The following NFS1 variants were observed in gnomAD, a reference collection of about 807,000 sequenced individuals.
NFS1 encodes the protein cysteine desulfurase.
A neutral mutation model predicts 57.3 loss-of-function variants in NFS1; 26 were observed. That is an observed-to-expected ratio of 0.45 (90% confidence interval 0.33 to 0.63). NFS1 has a LOEUF of 0.63. Among genes scored for constraint, NFS1 ranks in the 20% least tolerant of loss-of-function variants. The pLI is 0.02. For missense variants in NFS1, 505 were observed against 605.8 expected (o/e 0.83, Z 1.75); for synonymous variants, 209 against 216.3 (o/e 0.97, Z 0.30).
At chr20:35,689,362 T>G (rs1301067574) in intron 5 of NFS1, among the ~76,000 whole-genome samples, 1 of 152,100 alleles carries the variant, frequency 6.6e-6, no homozygotes, top group Non-Finnish European at 1.5e-5. Flanking sequence ...TGGCGGCTCA[T>G]GCCTGTAATC....
At chr20:35,670,489 C>A (rs2034635561) in intron 12 of NFS1, among the ~76,000 whole-genome samples, 1 of 152,196 alleles carries the variant, frequency 6.6e-6, no homozygotes, top group Admixed American at 6.5e-5. Flanking sequence ...TCATTATATT[C>A]TTGACTTGTC....
chr20:35,699,029 C>A lies in NFS1; in HGVS notation c.97+163G>T. ...GCGAGGGGTGGTGCGCCGGGGTCAA[C>A]CGTTCGGGGACCCGCCTAAGAAAGT... is the stretch of plus-strand genomic sequence containing the variant. On this transcript the variant is annotated intron_variant, in intron 1 of 12. Transcript: ENST00000374092. This position sits in a 1 kb window ranked among gnomAD's most constrained non-coding sequence, Gnocchi z 4.4. 2 of 1,322,724 alleles carry A rather than the reference C, an allele frequency of 1.5e-6. No individual in the cohort carries two copies. Among genetic ancestry groups the A allele is most frequent in the Non-Finnish European group, 1.9e-6 (2 of 1,039,478 alleles). 81.9% of individuals were successfully genotyped at this position (1,322,724 alleles called of 1,614,324 possible).
At position 35,675,161 on chromosome 20, in the gene NFS1, C is replaced by T. The variant is rs371791586; in HGVS notation, c.832G>A (p.Val278Met). ...CCCCCTCCACTCTGCAGGGCCTCCA[C>T]ACGCACACGGGGCCGGCGACGGATG... The part of the protein sequence containing the change: ...IYIRRRPRVR[V>M]EALQSGGGQE... Residue 278 changes from valine to methionine, a missense_variant, in exon 8 of 13, where the codon GTG becomes ATG. By Grantham distance (21) the Val-to-Met change is conservative (BLOSUM62 1). Transcript: ENST00000374092. The T allele has an allele frequency of 5.6e-6, 9 of 1,613,724 alleles. No individual in the cohort carries two copies. In the Admixed American group the frequency reaches 6.7e-5, roughly 12 times the overall value.
At position 35,669,250 on chromosome 20, in the gene NFS1, C is replaced by T. The variant is rs972263415; in HGVS notation, c.*372G>A. ...GGTCCAGCCGAGCAGCAGCAGAAGA[C>T]GAAGACTCAAATGTCCATGTAGAGC... On this transcript the variant is annotated 3_prime_UTR_variant, in exon 13 of 13. Coordinates refer to ENST00000374092, the MANE Select transcript of NFS1 (RefSeq NM_021100.5). The T allele has an allele frequency of 1.1e-4, 19 of 171,172 alleles. No homozygotes were observed. The highest frequency in any genetic ancestry group is 5.6e-4 in the Admixed American group (9 of 16,106). The allele number at this position is 171,172 out of a possible 1,614,324, so 10.6% of individuals were successfully genotyped here. A position where few individuals can be genotyped will look rare whatever the true frequency, so the allele number is the denominator to read the frequency against.
intron 5 of NFS1, among the ~76,000 whole-genome samples, chr20:35,689,051 A>G (rs972723261): frequency 6.6e-6 from 1 of 152,220 alleles, no homozygotes; most frequent in Non-Finnish European, 1.5e-5. Flanking sequence ...AGAAAATGAC[A>G]CTACTTCTTT....
chr20:35,670,254 G>A (rs2034631597), intron 12 of NFS1, among the ~76,000 whole-genome samples: 1 of 152,162 alleles, frequency 6.6e-6, no homozygotes, highest in African/African-American at 2.4e-5. Context: ...GTTGGCCTGT[G>A]CTTCCAATAT....
rs118178507 is a variant in NFS1, at chr20:35,670,779, G to A, written c.1311-1094C>T. Among the ~76,000 whole-genome samples, 845 of 152,326 alleles carry A rather than the reference G, an allele frequency of 5.5e-3. 4 individuals are homozygous for A. The highest frequency in any genetic ancestry group is 0.01 in the Middle Eastern group (3 of 294). ...AGAAATGCCTTGTGAGTATACCACA[G>A]AATACCAGAAAGTGAGGACAAAGGA... On this transcript the variant is annotated intron_variant, in intron 12 of 12. Transcript: ENST00000374092.
At chr20:35,674,740 C>T in intron 8 of NFS1, 123 bp from the exon 9 acceptor site, 1 of 774,766 alleles carries the variant, frequency 1.3e-6, no homozygotes. Context: ...ATCCTATGTA[C>T]TCATGGGGAC....
chr20:35,669,772 C>T, intron 12 of NFS1, 87 bp from the exon 13 acceptor site: 6 of 1,231,074 alleles, frequency 4.9e-6, no homozygotes, highest in Non-Finnish European at 7.2e-6. Context: ...AATGGCTTGC[C>T]TCCTTCTGTC....
chr20:35,675,028 A>G lies in NFS1; in HGVS notation c.948+17T>C. 1 of 1,613,800 alleles carries G rather than the reference A, an allele frequency of 6.2e-7. No homozygotes were observed. Among genetic ancestry groups the G allele is most frequent in the Non-Finnish European group, 8.5e-7 (1 of 1,179,826 alleles). ...CACAGGGGAAGAAGTTGTGGGAGGG[A>G]ACTGCTCTCCCCATACCTCCATCTC... On this transcript the variant is annotated intron_variant, in intron 8 of 12. Coordinates refer to ENST00000374092, the MANE Select transcript of NFS1 (RefSeq NM_021100.5).
At chr20:35,692,316 G>C (rs1252488642) in intron 4 of NFS1, 1 of 239,862 alleles carries the variant, frequency 4.2e-6, no homozygotes, top group African/African-American at 2.4e-5. Context: ...AGAGGTTGCA[G>C]TGAGCCGAGA....
intron 4 of NFS1, among the ~76,000 whole-genome samples, chr20:35,693,967 A>T (rs763990924): frequency 2.3e-4 from 35 of 152,094 alleles, no homozygotes; most frequent in East Asian, 1.2e-3. Flanking sequence ...ATCTCAAAAA[A>T]AAATAAATAA....
At chr20:35,686,731 G>A (rs1005215845) in intron 5 of NFS1, among the ~76,000 whole-genome samples, 12 of 152,164 alleles carry the variant, frequency 7.9e-5, no homozygotes, top group Non-Finnish European at 1.6e-4. Flanking sequence ...GGTGTGGGCA[G>A]CAAGCCACCC....
At chr20:35,679,657 C>A (rs185452890) in intron 7 of NFS1, among the ~76,000 whole-genome samples, 7 of 152,092 alleles carry the variant, frequency 4.6e-5, no homozygotes, top group African/African-American at 1.7e-4. Flanking sequence ...TAATAACTCA[C>A]AAAAAACACT....
In NFS1 at chr20:35,672,755, C is replaced by T; in HGVS notation, c.1310G>A (p.Ser437Asn). 6.3e-7 allele frequency: 1 copy of T among 1,594,822 alleles called. No homozygotes were observed. The highest frequency in any genetic ancestry group is 8.6e-7 in the Non-Finnish European group (1 of 1,162,402). Residue 437 changes from serine (S) to asparagine (N), a missense_variant and splice_region_variant, in exon 12 of 13, where the codon AGC becomes AAC. Physicochemically the swap from Ser to Asn is conservative, Grantham distance 46. Coordinates refer to ENST00000374092, the MANE Select transcript of NFS1 (RefSeq NM_021100.5). Reference sequence around the variant, plus strand: ...AGCGTCTCTGATACAATATGTATACCTCATTTCTCGAAGACGCTTCACATG... The same window carrying T: ...AGCGTCTCTGATACAATATGTATACTTCATTTCTCGAAGACGCTTCACATG... ...IQHVKRLREM[S>N]PLWEMVQDGI...
intron 4 of NFS1, among the ~76,000 whole-genome samples, chr20:35,692,527 TAAAAAAA>T (rs61052129): frequency 9.4e-5 from 4 of 42,736 alleles, no homozygotes; most frequent in African/African-American, 2.3e-4. Flanking sequence ...TCATCTATAC[TAAAAAAA>T]AAAAAAAAAA....
chr20:35,680,686 A>T, intron 7 of NFS1, 51 bp downstream of exon 7: 1 of 1,405,072 alleles, frequency 7.1e-7, no homozygotes, highest in Non-Finnish European at 9.4e-7. Context: ...ACATCTATCA[A>T]AGGTCTTGCT....
intron 7 of NFS1, among the ~76,000 whole-genome samples, chr20:35,677,804 C>T (rs539514256): frequency 6.6e-6 from 1 of 152,296 alleles, no homozygotes; most frequent in Admixed American, 6.5e-5. Context: ...TGCAGTGGGT[C>T]ATGCCTGTAA....
At position 35,692,193 on chromosome 20, in the gene NFS1, T is replaced by A. The variant is rs184724944; in HGVS notation, c.409-1628A>T. On this transcript the variant is annotated intron_variant, in intron 4 of 12. Transcript: ENST00000374092. ...AAGAGCAAAACTCTGTCTCAAAAAA[T>A]AAATAAATAAATAAAAATAAAAATA... 604 of 235,824 alleles carry A rather than the reference T, an allele frequency of 2.6e-3. 1 individual carries two copies. Among genetic ancestry groups the A allele is most frequent in the African/African-American group, 4.4e-3 (182 of 40,924 alleles). 14.6% of individuals were successfully genotyped at this position (235,824 alleles called of 1,614,324 possible). A position where few individuals can be genotyped will look rare whatever the true frequency, so the allele number is the denominator to read the frequency against.
Sources: allele counts gnomAD v4.1 joint callset (sites outside exome capture counted in the v4.1 genomes callset), GRCh38; gene constraint gnomAD v4.1.1; non-coding constraint Gnocchi (gnomAD v3.1); transcripts MANE v1.5; gene names NCBI Gene and HGNC (gene_info 2026-07-23, HGNC 2026-07-21).